Variants in TUSC3 observed in about 807,000 individuals in gnomAD.
The protein encoded by TUSC3 is dolichyl-diphosphooligosaccharide--protein glycosyltransferase subunit TUSC3.
In TUSC3, 45 loss-of-function variants were observed where a neutral mutation model predicts 44.8. The observed-to-expected ratio is 1.00, with a 90% confidence interval of 0.79 to 1.29. The LOEUF is 1.29. Ranked by LOEUF, TUSC3 falls within the 50% of genes most tolerant of loss-of-function variation. The pLI is 0.00. For missense variants in TUSC3, 519 were observed against 437.9 expected (o/e 1.19, Z -1.65); for synonymous variants, 212 against 152.9 (o/e 1.39, Z -2.85).
At chr8:15,719,516 C>CACCACACACACACA (rs1554481164) in intron 6 of TUSC3, among the ~76,000 whole-genome samples, 1 of 16,194 alleles carries the variant, frequency 6.2e-5, no homozygotes, top group South Asian at 1.0e-3. Flanking sequence ...CACACACACA[C>CACCACACACACACA]CACACACACA....
At chr8:15,623,020 G>A in intron 1 of TUSC3, 60 bp from the exon 2 acceptor site, 2 of 1,540,862 alleles carry the variant, frequency 1.3e-6, no homozygotes, top group African/African-American at 1.4e-5. Flanking sequence ...GCATTTATAT[G>A]AAATTCAAAC....
chr8:15,616,556 G>A (rs1424604739), intron 1 of TUSC3, among the ~76,000 whole-genome samples: 1 of 152,216 alleles, frequency 6.6e-6, no homozygotes, highest in Non-Finnish European at 1.5e-5. Flanking sequence ...CAGCCTGTGT[G>A]ACAGAGTGAG....
At chr8:15,659,091 A>C (rs1294994180) in intron 3 of TUSC3, among the ~76,000 whole-genome samples, 1 of 152,132 alleles carries the variant, frequency 6.6e-6, no homozygotes, top group Non-Finnish European at 1.5e-5. Flanking sequence ...TAATATGCTT[A>C]TTTTTTAAAA....
intron 1 of TUSC3, among the ~76,000 whole-genome samples, chr8:15,599,907 C>T (rs1489105109): frequency 6.6e-6 from 1 of 151,664 alleles, no homozygotes; most frequent in Non-Finnish European, 1.5e-5. Context: ...TCTTTTACTT[C>T]TCCAAATAAA....
intron 1 of TUSC3, among the ~76,000 whole-genome samples, chr8:15,563,881 TGGTCTGGA>T (rs1183621190): frequency 1.3e-5 from 2 of 152,060 alleles, no homozygotes; most frequent in African/African-American, 4.8e-5. Flanking sequence ...CCTATTAAAC[TGGTCTGGA>T]AGTCTGGAAG....
chr8:15,538,566 C>G (rs1278420586), upstream of TUSC3, among the ~76,000 whole-genome samples: 2 of 152,106 alleles, frequency 1.3e-5, no homozygotes, highest in Admixed American at 6.6e-5. Flanking sequence ...ACAGTGGAAC[C>G]TAGTTGATAG....
chr8:15,619,030 C>G (rs563156247), intron 1 of TUSC3, among the ~76,000 whole-genome samples: 1 of 152,266 alleles, frequency 6.6e-6, no homozygotes, highest in East Asian at 1.9e-4. Context: ...AGTCGGAACA[C>G]TTCCATTACC....
the TUSC3 span, among the ~76,000 whole-genome samples, chr8:15,826,492 A>G: frequency 6.6e-6 from 1 of 152,162 alleles, no homozygotes; most frequent in African/African-American, 2.4e-5. Context: ...CTATTTAGAG[A>G]AAACACTACT....
chr8:15,532,311 T>C (rs1032279629), intron 2 of TUSC3, among the ~76,000 whole-genome samples: 3 of 152,158 alleles, frequency 2.0e-5, no homozygotes, highest in Non-Finnish European at 2.9e-5. Context: ...ATTCAAATTG[T>C]TTAAAAAAAG....
intron 1 of TUSC3, among the ~76,000 whole-genome samples, chr8:15,612,271 T>G (rs1275804083): frequency 6.6e-6 from 1 of 152,162 alleles, no homozygotes; most frequent in Non-Finnish European, 1.5e-5. Context: ...GCATCTTGGT[T>G]AAAGACATGA....
At chr8:15,612,947 T>C (rs1804823824) in intron 1 of TUSC3, among the ~76,000 whole-genome samples, 1 of 151,898 alleles carries the variant, frequency 6.6e-6, no homozygotes, top group African/African-American at 2.4e-5. Context: ...ACAATATCAG[T>C]TAATGTTCAC....
At chr8:15,790,911 C>G in the TUSC3 span, among the ~76,000 whole-genome samples, 1 of 152,266 alleles carries the variant, frequency 6.6e-6, no homozygotes, top group African/African-American at 2.4e-5. Flanking sequence ...GGAGTAGATA[C>G]TGACCCCATC....
chr8:15,602,686 G>GTT (rs1804340541), intron 1 of TUSC3, among the ~76,000 whole-genome samples: 1 of 149,116 alleles, frequency 6.7e-6, no homozygotes, highest in South Asian at 2.1e-4. Context: ...GTGTGTGTGT[G>GTT]TGTGTGTGTG....
At chr8:15,520,654 C>G (rs1325752262) in intron 2 of TUSC3, among the ~76,000 whole-genome samples, 1 of 152,144 alleles carries the variant, frequency 6.6e-6, no homozygotes, top group African/African-American at 2.4e-5. Context: ...AGAGGAGATT[C>G]ACAGGTTTAA....
chr8:15,827,657 T>G, the TUSC3 span, among the ~76,000 whole-genome samples: 1 of 152,192 alleles, frequency 6.6e-6, no homozygotes, highest in African/African-American at 2.4e-5. Context: ...ATGTGTACAT[T>G]TGATCTTTGG....
At chr8:15,675,746 A>G (rs1467843837) in intron 6 of TUSC3, among the ~76,000 whole-genome samples, 2 of 152,120 alleles carry the variant, frequency 1.3e-5, no homozygotes, top group African/African-American at 4.8e-5. Context: ...AGCTGCATCC[A>G]TATTGCTGCA....
intron 1 of TUSC3, among the ~76,000 whole-genome samples, chr8:15,477,049 T>A (rs1585058931): frequency 6.6e-6 from 1 of 152,184 alleles, no homozygotes; most frequent in Non-Finnish European, 1.5e-5. Flanking sequence ...CTTACGATTT[T>A]CCATCTGACA....
chr8:15,792,895 A>T, the TUSC3 span, among the ~76,000 whole-genome samples: 1 of 152,140 alleles, frequency 6.6e-6, no homozygotes, highest in Non-Finnish European at 1.5e-5. Context: ...ATGGGATTAC[A>T]GGCGTGAGTC....
chr8:15,458,844 G>C (rs1168030019), intron 1 of TUSC3, among the ~76,000 whole-genome samples: 1 of 152,142 alleles, frequency 6.6e-6, no homozygotes, highest in Admixed American at 6.5e-5. Context: ...TATTGAAAAA[G>C]CTGTCTTGGA....
Sources: allele counts gnomAD v4.1 joint callset (sites outside exome capture counted in the v4.1 genomes callset), GRCh38; gene constraint gnomAD v4.1.1; transcripts MANE v1.5; gene names NCBI Gene and HGNC (gene_info 2026-07-23, HGNC 2026-07-21).